Variants in RBFOX1 observed in about 807,000 individuals in gnomAD.
RBFOX1 encodes RNA binding protein fox-1 homolog 1.
RBFOX1 carries 8 observed loss-of-function variants against 57.7 expected under a neutral mutation model. That is an observed-to-expected ratio of 0.14 (90% CI 0.08 to 0.25). The LOEUF is 0.25. Ranked by LOEUF, RBFOX1 falls within the 10% of genes least tolerant of loss-of-function variation. The pLI is 1.00. For missense variants in RBFOX1, 611 were observed against 548.5 expected (o/e 1.11, Z -1.14); for synonymous variants, 326 against 222.4 (o/e 1.47, Z -4.15).
At chr16:6,352,086 A>G (rs553431546) in intron 2 of RBFOX1, among the ~76,000 whole-genome samples, 1 of 152,174 alleles carries the variant, frequency 6.6e-6, no homozygotes. Context: ...TCACAGATGG[A>G]TAAGGTACAA....
intron 2 of RBFOX1, among the ~76,000 whole-genome samples, chr16:6,478,388 A>AATATATATATAT (rs71406379): frequency 2.4e-4 from 10 of 41,546 alleles, no homozygotes; most frequent in African/African-American, 6.8e-4. Context: ...ACACCCAGCT[A>AATATATATATAT]ATATATATAT....
chr16:6,722,617 T>A (rs780168428), intron 3 of RBFOX1, among the ~76,000 whole-genome samples: 31 of 152,240 alleles, frequency 2.0e-4, no homozygotes, highest in Non-Finnish European at 4.1e-4. Flanking sequence ...TCCTTAAGTT[T>A]CTGTCTTGTG....
intron 3 of RBFOX1, among the ~76,000 whole-genome samples, chr16:6,984,081 CT>C (rs2089662828): frequency 6.6e-6 from 1 of 152,094 alleles, no homozygotes; most frequent in Non-Finnish European, 1.5e-5. Flanking sequence ...AACCCTGTCT[CT>C]ACTAAAAATA....
chr16:6,234,247 G>C (rs11643905), intron 1 of RBFOX1, among the ~76,000 whole-genome samples: 29,685 of 152,056 alleles, frequency 0.2, 3,679 homozygotes, highest in East Asian at 0.45. Flanking sequence ...CAAAATTCCT[G>C]CCCACTGTCA....
At chr16:6,344,367 C>T (rs181994505) in intron 2 of RBFOX1, among the ~76,000 whole-genome samples, 2 of 150,450 alleles carry the variant, frequency 1.3e-5, no homozygotes, top group African/African-American at 4.9e-5. Flanking sequence ...TATACAATTA[C>T]ACAATCTTTC....
rs187495537 is a variant in RBFOX1 at position 6,086,173 on chromosome 16, A to G, written c.-127+66181A>G. On this transcript the variant is annotated intron_variant, in intron 1 of 15. Transcript: ENST00000550418. ...TGATTTCATTCCTTTTTATGGCTGC[A>G]TAGTATTCCATGGTGTATAGGTACC... 1.4e-4 allele frequency among the ~76,000 whole-genome samples: 22 copies of G among 152,266 alleles called. No individual in the cohort carries two copies. In the East Asian group the frequency reaches 4.3e-3, roughly 29 times the overall value.
At chr16:7,004,941 C>T (rs2093166506) in intron 3 of RBFOX1, among the ~76,000 whole-genome samples, 1 of 152,050 alleles carries the variant, frequency 6.6e-6, no homozygotes, top group South Asian at 2.1e-4. Context: ...GTCAGGAGTT[C>T]GAGACCAGCT....
Position 7,385,195 on chromosome 16 carries a change from A to T in RBFOX1, c.28-132952A>T, listed in dbSNP as rs75501386. ...AATATAAGTTTTATATGAATTACGG[A>T]TGCAGAGATTTGCATTTCACAAAGA... is the stretch of plus-strand genomic sequence containing the variant. On this transcript the variant is annotated intron_variant, in intron 4 of 15. Transcript: ENST00000550418. Among the ~76,000 whole-genome samples, 125 of 152,366 alleles carry T rather than the reference A, an allele frequency of 8.2e-4. 3 individuals carry two copies. In the East Asian group the frequency reaches 0.022, roughly 27 times the overall value.
At chr16:7,540,255 G>A (rs188210044) in intron 5 of RBFOX1, among the ~76,000 whole-genome samples, 7 of 152,006 alleles carry the variant, frequency 4.6e-5, no homozygotes, top group African/African-American at 1.4e-4. Flanking sequence ...TGTTTCCCTC[G>A]CTGGAAACTC....
intron 2 of RBFOX1, among the ~76,000 whole-genome samples, chr16:6,481,069 A>C (rs2095364348): frequency 6.6e-6 from 1 of 152,218 alleles, no homozygotes; most frequent in Non-Finnish European, 1.5e-5. Flanking sequence ...GTTTGATAAT[A>C]GGGTATGCAC....
chr16:6,722,838 A>G (rs776157642), intron 3 of RBFOX1, among the ~76,000 whole-genome samples: 1 of 152,190 alleles, frequency 6.6e-6, no homozygotes, highest in African/African-American at 2.4e-5. Context: ...AATATTCATC[A>G]GTAAGAAATC....
At chr16:5,542,646 C>T (rs550309641) in intron 2 of RBFOX1, among the ~76,000 whole-genome samples, 4 of 152,188 alleles carry the variant, frequency 2.6e-5, no homozygotes, top group African/African-American at 9.6e-5. Context: ...AAAAAGACCA[C>T]GCAACACTTC....
chr16:5,770,250 A>G (rs1008137096), intron 3 of RBFOX1, among the ~76,000 whole-genome samples: 4 of 151,752 alleles, frequency 2.6e-5, no homozygotes, highest in African/African-American at 7.3e-5. Flanking sequence ...ATAGAATGCA[A>G]TAATGAAACT....
intron 3 of RBFOX1, among the ~76,000 whole-genome samples, chr16:5,633,622 C>G (rs1166396635): frequency 6.6e-6 from 1 of 151,978 alleles, no homozygotes; most frequent in Non-Finnish European, 1.5e-5. Context: ...GCCTGTAATC[C>G]CAGCACTTTG....
chr16:7,644,417 T>C (rs1445805730), intron 11 of RBFOX1, among the ~76,000 whole-genome samples: 1 of 152,230 alleles, frequency 6.6e-6, no homozygotes, highest in Non-Finnish European at 1.5e-5. Flanking sequence ...ACATCGTTCC[T>C]TGAATTACTC....
In RBFOX1 at chr16:7,713,009, G is replaced by A. The variant is rs2084220871; in HGVS notation, c.*2264G>A. On this transcript the variant is annotated 3_prime_UTR_variant, in exon 16 of 16. Transcript: ENST00000550418. Reference sequence around the variant, plus strand: ...GAGTGAGTGAGTGCCAACCGATGTTGCAGAATCTTTTGTCTAGGCACTCCA... The same window carrying A: ...GAGTGAGTGAGTGCCAACCGATGTTACAGAATCTTTTGTCTAGGCACTCCA... 6.6e-6 allele frequency: 1 copy of A among 152,146 alleles called. No individual in the cohort carries two copies. The highest frequency in any genetic ancestry group is 6.5e-5 in the Admixed American group (1 of 15,270). The allele number at this position is 152,146 out of a possible 1,614,324, so 9.4% of individuals were successfully genotyped here. A position where few individuals can be genotyped will look rare whatever the true frequency, so the allele number is the denominator to read the frequency against.
At chr16:7,697,299 A>G (rs1455006332) in intron 14 of RBFOX1, among the ~76,000 whole-genome samples, 2 of 152,128 alleles carry the variant, frequency 1.3e-5, no homozygotes, top group African/African-American at 2.4e-5. Flanking sequence ...TTAGAAGTGT[A>G]CAAGCTCGAG....
At chr16:6,970,466 G>C (rs2085288480) in intron 3 of RBFOX1, among the ~76,000 whole-genome samples, 1 of 152,114 alleles carries the variant, frequency 6.6e-6, no homozygotes, top group Non-Finnish European at 1.5e-5. Flanking sequence ...TCAACAATGG[G>C]AGTACATTGC....
intron 3 of RBFOX1, among the ~76,000 whole-genome samples, chr16:5,727,746 G>A (rs1015839592): frequency 6.6e-6 from 1 of 152,110 alleles, no homozygotes; most frequent in Non-Finnish European, 1.5e-5. Context: ...TGAGTACAGT[G>A]GTGTTATCAT....
Sources: gnomAD v4.1 joint callset for allele counts (sites outside exome capture counted in the v4.1 genomes callset) on GRCh38, gnomAD v4.1.1 for gene constraint, MANE v1.5 for transcripts, NCBI Gene and HGNC (gene_info 2026-07-23, HGNC 2026-07-21) for gene names.